STARD9: variants seen among roughly 807,000 people sequenced by gnomAD.
STARD9 encodes stAR-related lipid transfer protein 9.
Under a neutral mutation model 399.8 loss-of-function variants are expected in STARD9, and 346 were observed. That is an observed-to-expected ratio of 0.87 (90% CI 0.79 to 0.95). STARD9 has a LOEUF of 0.95. STARD9 is among the 40% of genes least tolerant of loss of function. The pLI, the probability that STARD9 is intolerant of heterozygous loss-of-function variation, is 0.00. For missense variants in STARD9, 5,832 were observed against 5,667.5 expected, an observed-to-expected ratio of 1.03 and a Z score of -0.93; for synonymous variants, 2,203 against 2,143.5, an observed-to-expected ratio of 1.03 and a Z score of -0.77.
intron 7 of STARD9, among the ~76,000 whole-genome samples, chr15:42,640,071 A>C (rs1410301254): frequency 6.6e-6 from 1 of 152,118 alleles, no homozygotes; most frequent in African/African-American, 2.4e-5. Flanking sequence ...ACAGGTGTGC[A>C]TCTAGGCAGC....
Position 42,684,985 on chromosome 15 carries a change from C to T in STARD9, c.3407C>T (p.Pro1136Leu). The T allele has an allele frequency of 6.5e-7, 1 of 1,537,048 alleles. No individual in the cohort carries two copies. The highest frequency in any genetic ancestry group is 8.7e-7 in the Non-Finnish European group (1 of 1,146,922). ...PEERKWDFPE[P>L]ENSESDDSQL... ...GAGAGGAAATGGGATTTCCCAGAGCCAGAGAACTCTGAAAGTGATGACAGC... is the reference window on the plus strand; with the variant it reads ...GAGAGGAAATGGGATTTCCCAGAGCTAGAGAACTCTGAAAGTGATGACAGC... Residue 1136 changes from proline to leucine, a missense_variant, in exon 23 of 33, where the codon CCA becomes CTA. Pro to Leu is a moderately conservative substitution (Grantham distance 98). Coordinates refer to ENST00000290607, the MANE Select transcript of STARD9 (RefSeq NM_020759.3).
Position 42,684,518 on chromosome 15 carries a change from A to G in STARD9, c.2940A>G (p.Leu980=). 6.5e-7 allele frequency: 1 copy of G among 1,537,158 alleles called. No homozygotes were observed. The highest frequency in any genetic ancestry group is 8.7e-7 in the Non-Finnish European group (1 of 1,146,880). Residue 980 remains leucine (L), a synonymous_variant, in exon 23 of 33, where the codon CTA becomes CTG. Coordinates refer to ENST00000290607, the MANE Select transcript of STARD9 (RefSeq NM_020759.3). ...CCCAGACCAGAGGGGCGAAGGGACT[A>G]GCAGACCCTAGCCACACACAAGCTG... ...STTQTRGAKG[L]ADPSHTQAGW... is the part of the protein sequence containing the mutation.
chr15:42,618,623 A>C (rs981805572), intron 3 of STARD9, among the ~76,000 whole-genome samples: 5 of 149,758 alleles, frequency 3.3e-5, no homozygotes, highest in Non-Finnish European at 7.4e-5. Flanking sequence ...TATTTTTTTG[A>C]ATCTTGCTCT....
Position 42,687,444 on chromosome 15 carries a change from G to GT in STARD9, c.5867dup (p.Ser1957LysfsTer15). ...GAAATCCAGATCAGTAGATCGTAGA[G>GT]TAAGCAGCCCAGTGATGGTGGCCCA... On this transcript the variant is annotated frameshift_variant, in exon 23 of 33. Coordinates refer to ENST00000290607, the MANE Select transcript of STARD9 (RefSeq NM_020759.3). LOFTEE classifies it high-confidence loss of function. 1 of 1,537,202 alleles carries GT rather than the reference G, an allele frequency of 6.5e-7. No individual in the cohort carries two copies. Among genetic ancestry groups the GT allele is most frequent in the Non-Finnish European group, 8.7e-7 (1 of 1,146,914 alleles).
At chr15:42,645,328 T>C (rs2141965490) in intron 7 of STARD9, among the ~76,000 whole-genome samples, 1 of 152,322 alleles carries the variant, frequency 6.6e-6, no homozygotes, top group East Asian at 1.9e-4. Context: ...ATAGAACAGA[T>C]GTTATGTTAG....
rs193225916 is a variant in STARD9, at chr15:42,676,509, A to G, written c.1874+534A>G. On this transcript the variant is annotated intron_variant, in intron 20 of 32. Transcript: ENST00000290607. ...GCATAGAGGGGCAGAAACTATAGGA[A>G]CAATATGAAAATATCTTTTGGTTCT... Among the ~76,000 whole-genome samples the G allele has an allele frequency of 1.7e-4, 26 of 152,326 alleles. No individual in the cohort carries two copies. In the East Asian group the frequency reaches 5.0e-3, roughly 29 times the overall value.
intron 29 of STARD9, 83 bp downstream of exon 29, chr15:42,717,878 C>A (rs572873808): frequency 6.7e-7 from 1 of 1,500,032 alleles, no homozygotes; most frequent in East Asian, 2.5e-5. Flanking sequence ...CTTTCCCTTA[C>A]CTGGATTCCT....
At chr15:42,632,562 T>G (rs1425765567) in intron 3 of STARD9, among the ~76,000 whole-genome samples, 2 of 152,228 alleles carry the variant, frequency 1.3e-5, no homozygotes, top group East Asian at 3.8e-4. Flanking sequence ...TGGTGACATG[T>G]TTTAATTTCT....
intron 3 of STARD9, among the ~76,000 whole-genome samples, chr15:42,606,351 A>C (rs922070715): frequency 6.6e-6 from 1 of 152,244 alleles, no homozygotes; most frequent in Non-Finnish European, 1.5e-5. Flanking sequence ...GGACTGTTAA[A>C]TCTTGCATTT....
intron 26 of STARD9, among the ~76,000 whole-genome samples, chr15:42,702,724 G>T (rs2060993185): frequency 6.6e-6 from 1 of 152,160 alleles, no homozygotes; most frequent in Admixed American, 6.5e-5. Context: ...CAGGTCTGGT[G>T]TTGATGAATT....
Position 42,686,351 on chromosome 15 carries a change from G to A in STARD9, c.4773G>A (p.Ser1591=), listed in dbSNP as rs753339002. The A allele has an allele frequency of 8.5e-6, 13 of 1,537,266 alleles. No homozygotes were observed. Among genetic ancestry groups the A allele is most frequent in the Middle Eastern group, 1.7e-4 (1 of 6,014 alleles). ...EKEASYDETY[S]ADLESLSASR... is the part of the protein sequence containing the mutation. ...AGGCGAGTTATGACGAAACTTATTC[G>A]GCAGACTTAGAATCATTGTCTGCTT... Residue 1591 remains serine, a synonymous_variant, in exon 23 of 33, where the codon TCG becomes TCA. Coordinates refer to ENST00000290607, the MANE Select transcript of STARD9 (RefSeq NM_020759.3).
At chr15:42,668,470 C>G (rs1427766437) in intron 15 of STARD9, among the ~76,000 whole-genome samples, 1 of 151,668 alleles carries the variant, frequency 6.6e-6, no homozygotes, top group Non-Finnish European at 1.5e-5. Context: ...AGAAAAAGTA[C>G]CCTACATTTA....
Position 42,690,393 on chromosome 15 carries a change from ACT to A in STARD9, c.8819_8820del (p.Leu2940GlnfsTer4). The A allele has an allele frequency of 6.5e-7, 1 of 1,537,150 alleles. No homozygotes were observed. Among genetic ancestry groups the A allele is most frequent in the Non-Finnish European group, 8.7e-7 (1 of 1,146,894 alleles). ...VFSRNPEGSR[T>X]LSPSRGKESR... ...CTCAAGGAACCCTGAAGGCAGCAGG[ACT>A]CTCAGCCCGTCTAGAGGGAAAGAGA... is the stretch of plus-strand genomic sequence containing the variant. On this transcript the variant is annotated frameshift_variant, in exon 23 of 33. Coordinates refer to ENST00000290607, the MANE Select transcript of STARD9 (RefSeq NM_020759.3). LOFTEE classifies it high-confidence loss of function.
intron 26 of STARD9, among the ~76,000 whole-genome samples, chr15:42,716,336 G>A (rs1027964577): frequency 1.3e-5 from 2 of 152,046 alleles, no homozygotes; most frequent in African/African-American, 4.8e-5. Context: ...CCTGTTGCCC[G>A]GGTGGTGCAG....
rs551930386 is a variant in STARD9, at chr15:42,662,993, G to GT, written c.868+104dup. 2.5e-4 allele frequency: 235 copies of GT among 923,582 alleles called. No individual in the cohort carries two copies. The African/African-American group carries it at 3.4e-3, about 14-fold the overall frequency. 57.2% of individuals were successfully genotyped at this position (923,582 alleles called of 1,614,324 possible). On this transcript the variant is annotated intron_variant, in intron 11 of 32. Transcript: ENST00000290607. Reference sequence around the variant, plus strand: ...TAGACACAGGGTTCCTTTTGATAAGGTTACCTTCTGGTTTGGGGCATGAAA... The same window carrying GT: ...TAGACACAGGGTTCCTTTTGATAAGGTTTACCTTCTGGTTTGGGGCATGAAA...
chr15:42,599,123 C>T (rs1456537523), intron 3 of STARD9, among the ~76,000 whole-genome samples: 1 of 152,128 alleles, frequency 6.6e-6, no homozygotes, highest in African/African-American at 2.4e-5. Flanking sequence ...AGGGTTTCAC[C>T]ATGTTGGCCA....
At chr15:42,697,196 T>A (rs2060864237) in intron 26 of STARD9, among the ~76,000 whole-genome samples, 1 of 152,200 alleles carries the variant, frequency 6.6e-6, no homozygotes, top group Non-Finnish European at 1.5e-5. Context: ...ACTCACTTTC[T>A]CACTTTGCTT....
intron 3 of STARD9, among the ~76,000 whole-genome samples, chr15:42,606,118 A>G (rs1459668529): frequency 1.3e-5 from 2 of 152,192 alleles, no homozygotes; most frequent in African/African-American, 2.4e-5. Context: ...TTGAGAACCT[A>G]CAGTCTTCCA....
At chr15:42,674,105 TCTGACCAATGG>T (rs570469255) in intron 16 of STARD9, 186 of 440,058 alleles carry the variant, frequency 4.2e-4, no homozygotes, top group African/African-American at 3.4e-3. Flanking sequence ...AGAGAATTTT[TCTGACCAATGG>T]CTGTAACTAT....
Sources: gnomAD v4.1 joint callset for allele counts (sites outside exome capture counted in the v4.1 genomes callset) on GRCh38, gnomAD v4.1.1 for gene constraint, MANE v1.5 for transcripts, NCBI Gene and HGNC (gene_info 2026-07-23, HGNC 2026-07-21) for gene names.